TBC1D30: variants seen among roughly 807,000 people sequenced by gnomAD.
The protein encoded by TBC1D30 is TBC1 domain family, member 30.
Under a neutral mutation model 63.2 loss-of-function variants are expected in TBC1D30, and 31 were observed. The observed-to-expected ratio is 0.49, with a 90% CI of 0.37 to 0.66. TBC1D30 has a LOEUF of 0.66. Ranked by LOEUF, TBC1D30 falls within the 30% of genes least tolerant of loss-of-function variation. TBC1D30 has a pLI of 0.00. For missense variants in TBC1D30, 810 were observed against 953.6 expected (o/e 0.85, Z 1.98); for synonymous variants, 307 against 361.5 (o/e 0.85, Z 1.71).
chr12:64,848,872 C>G (rs1876622182), intron 8 of TBC1D30, among the ~76,000 whole-genome samples: 1 of 152,232 alleles, frequency 6.6e-6, no homozygotes, highest in South Asian at 2.1e-4. Context: ...AATGGTTGAA[C>G]TAATTTACAC....
upstream of TBC1D30, among the ~76,000 whole-genome samples, chr12:64,778,920 C>T (rs1235423574): frequency 2.0e-5 from 3 of 152,034 alleles, no homozygotes; most frequent in Non-Finnish European, 2.9e-5. Context: ...TGATCTTAAG[C>T]GTGCTTTCCT....
chr12:64,766,140 A>G (rs1321287885), intron 1 of TBC1D30, among the ~76,000 whole-genome samples: 1 of 152,198 alleles, frequency 6.6e-6, no homozygotes, highest in Non-Finnish European at 1.5e-5. Flanking sequence ...AGCAAGAGAA[A>G]AATACCCAAA....
chr12:64,854,825 G>T (rs562375492), intron 8 of TBC1D30, among the ~76,000 whole-genome samples: 3 of 152,226 alleles, frequency 2.0e-5, no homozygotes, highest in African/African-American at 7.2e-5. Context: ...AGGTCAAGAG[G>T]AGTTAATATA....
At chr12:64,815,791 T>A (rs1182196843) in intron 2 of TBC1D30, among the ~76,000 whole-genome samples, 1 of 152,076 alleles carries the variant, frequency 6.6e-6, no homozygotes, top group Non-Finnish European at 1.5e-5. Flanking sequence ...AGATTCTTTT[T>A]TTTTTCTTTT....
At chr12:64,851,889 A>C (rs1876903770) in intron 8 of TBC1D30, among the ~76,000 whole-genome samples, 1 of 152,176 alleles carries the variant, frequency 6.6e-6, no homozygotes, top group Non-Finnish European at 1.5e-5. Context: ...AGAGAGATCC[A>C]CTGTTAGTCT....
At chr12:64,866,665 T>TA in intron 9 of TBC1D30, 99 bp from the exon 10 acceptor site, 1 of 1,111,472 alleles carries the variant, frequency 9.0e-7, no homozygotes, top group South Asian at 1.8e-5. Context: ...AATTCTATGT[T>TA]AATTATATAT....
intron 2 of TBC1D30, among the ~76,000 whole-genome samples, chr12:64,811,243 G>C (rs1873203803): frequency 6.6e-6 from 1 of 152,122 alleles, no homozygotes; most frequent in South Asian, 2.1e-4. Context: ...AAAAGTCTTT[G>C]GACAATTTTG....
chr12:64,875,599 C>T lies in TBC1D30; in HGVS notation c.2097C>T (p.Pro699=), dbSNP rs1879005078. Residue 699 remains proline, a synonymous_variant, in exon 12 of 12, where the codon CCC becomes CCT. Coordinates refer to ENST00000539867, the MANE Select transcript of TBC1D30 (RefSeq NM_015279.2). The stretch of plus-strand genomic sequence containing the variant: ...AAAACAAAGCCACCAGCAAAGCTCC[C>T]CAAGGCAGCAACTCAAAAACCCCCA... ...PEENKATSKA[P]QGSNSKTPIF... is the part of the protein sequence containing the mutation. 2.0e-6 allele frequency: 3 copies of T among 1,536,078 alleles called. No homozygotes were observed. In the South Asian group the frequency reaches 3.6e-5, roughly 18 times the overall value.
intron 2 of TBC1D30, among the ~76,000 whole-genome samples, chr12:64,793,825 A>G (rs116235428): frequency 2.7e-4 from 41 of 152,202 alleles, no homozygotes; most frequent in African/African-American, 9.1e-4. Flanking sequence ...TCCACTCCCT[A>G]CTGGCTGGGC....
intron 8 of TBC1D30, among the ~76,000 whole-genome samples, chr12:64,858,739 A>G (rs1256613330): frequency 6.6e-6 from 1 of 152,164 alleles, no homozygotes; most frequent in African/African-American, 2.4e-5. Flanking sequence ...AACTTCTCCA[A>G]ATATTTATCG....
intron 2 of TBC1D30, among the ~76,000 whole-genome samples, chr12:64,798,661 A>T (rs1443256453): frequency 6.6e-6 from 1 of 152,174 alleles, no homozygotes; most frequent in Non-Finnish European, 1.5e-5. Context: ...TCTGGGGATG[A>T]GTGGTAGAAA....
At chr12:64,849,350 G>A (rs924894259) in intron 8 of TBC1D30, among the ~76,000 whole-genome samples, 2 of 152,028 alleles carry the variant, frequency 1.3e-5, no homozygotes, top group South Asian at 2.1e-4. Context: ...AGTCTTTGCC[G>A]ATGTCTGTGT....
chr12:64,840,027 A>AAAAAAAAAAAAAAAAAAACAAAAAAC (rs1555171793), intron 7 of TBC1D30, among the ~76,000 whole-genome samples: 1 of 145,814 alleles, frequency 6.9e-6, no homozygotes. Context: ...AAAAAAAAAA[A>AAAAAAAAAAAAAAAAAAACAAAAAAC]ATCCACCAAC....
chr12:64,796,210 G>A (rs1193810917), intron 2 of TBC1D30, among the ~76,000 whole-genome samples: 1 of 149,544 alleles, frequency 6.7e-6, no homozygotes, highest in Non-Finnish European at 1.5e-5. Context: ...TAAAGGGGTT[G>A]ATTTGTAGGA....
At chr12:64,759,665 G>T (rs1311269004) in intron 1 of TBC1D30, 2 of 213,958 alleles carry the variant, frequency 9.3e-6, no homozygotes, top group South Asian at 1.1e-4. Context: ...TACCTCTCGC[G>T]CAGGCTCGGG....
intron 8 of TBC1D30, among the ~76,000 whole-genome samples, chr12:64,854,424 A>G (rs1383995138): frequency 6.6e-6 from 1 of 150,778 alleles, no homozygotes; most frequent in Non-Finnish European, 1.5e-5. Context: ...GTTTCTCTTT[A>G]TGTACTGTCT....
chr12:64,842,905 CT>C (rs1876006928), intron 7 of TBC1D30, among the ~76,000 whole-genome samples: 1 of 152,116 alleles, frequency 6.6e-6, no homozygotes, highest in African/African-American at 2.4e-5. Context: ...CTCAAAGTTG[CT>C]TTTGGTATTT....
chr12:64,852,310 G>GTA (rs1158844520), intron 8 of TBC1D30, among the ~76,000 whole-genome samples: 1 of 151,950 alleles, frequency 6.6e-6, no homozygotes, highest in African/African-American at 2.4e-5. Context: ...TGACACTTGT[G>GTA]TATACTTCAC....
intron 2 of TBC1D30, among the ~76,000 whole-genome samples, chr12:64,812,855 G>A (rs1873295904): frequency 6.6e-6 from 1 of 151,646 alleles, no homozygotes; most frequent in Non-Finnish European, 1.5e-5. Context: ...GGGTTGGCTT[G>A]TCTGCATCGT....
Sources: gnomAD v4.1 joint callset for allele counts (sites outside exome capture counted in the v4.1 genomes callset) on GRCh38, gnomAD v4.1.1 for gene constraint, MANE v1.5 for transcripts, NCBI Gene and HGNC (gene_info 2026-07-23, HGNC 2026-07-21) for gene names.